Variants in ARHGAP24 observed in about 807,000 individuals in gnomAD.
ARHGAP24 encodes rho GTPase-activating protein 24.
Under a neutral mutation model 76.4 loss-of-function variants are expected in ARHGAP24, and 50 were observed. The ratio of observed to expected loss-of-function variants is 0.65; its 90% confidence interval spans 0.52 to 0.83. The LOEUF is 0.83. Ranked by LOEUF, ARHGAP24 falls within the 40% of genes least tolerant of loss-of-function variation. The pLI is 0.00. For synonymous variants in ARHGAP24, 345 were observed against 323.3 expected (o/e 1.07, Z -0.72); for missense variants, 930 against 914.2 (o/e 1.02, Z -0.22).
intron 1 of ARHGAP24, among the ~76,000 whole-genome samples, chr4:85,525,357 T>C (rs1188154895): frequency 6.6e-6 from 1 of 151,786 alleles, no homozygotes; most frequent in Non-Finnish European, 1.5e-5. Context: ...AAATTTTTAC[T>C]TTATTTGATT....
chr4:85,941,955 C>A, intron 4 of ARHGAP24, 111 bp from the exon 5 acceptor site: 1 of 1,068,348 alleles, frequency 9.4e-7, no homozygotes, highest in Non-Finnish European at 1.4e-6. Flanking sequence ...ATGTTAAGTG[C>A]TTGCTAGCAT....
rs770512483 is a variant in ARHGAP24 at position 85,942,209 on chromosome 4, C to A, written c.535C>A (p.Gln179Lys). The change falls in exon 5 of 10, where the codon CAG becomes AAG. Residue 179 changes from glutamine (Q) to lysine (K), a missense_variant. Transcript: ENST00000395184. ...AGAGGGTCTCTTTCGACTGCCAGGC[C>A]AGGCTAATCTTGTTAAGGAGCTCCA... ...KEEGLFRLPGQANLVKELQDA... is the reference protein window; with the variant it reads ...KEEGLFRLPGKANLVKELQDA... 1.4e-5 allele frequency: 23 copies of A among 1,613,958 alleles called. No homozygotes were observed. The highest frequency in any genetic ancestry group is 1.9e-5 in the Non-Finnish European group (23 of 1,180,002).
At chr4:85,492,303 CT>C (rs1723390181) in intron 1 of ARHGAP24, among the ~76,000 whole-genome samples, 2 of 152,076 alleles carry the variant, frequency 1.3e-5, no homozygotes, top group African/African-American at 4.8e-5. Flanking sequence ...TGGTCGATAT[CT>C]TCGTTTCTTT....
At chr4:85,487,219 A>T (rs1178289421) in intron 1 of ARHGAP24, among the ~76,000 whole-genome samples, 1 of 134,204 alleles carries the variant, frequency 7.5e-6, no homozygotes, top group Non-Finnish European at 1.6e-5. Flanking sequence ...TATATATAAA[A>T]ATATATATTT....
At chr4:85,535,136 T>C (rs969532095) in intron 1 of ARHGAP24, among the ~76,000 whole-genome samples, 1 of 152,284 alleles carries the variant, frequency 6.6e-6, no homozygotes, top group South Asian at 2.1e-4. Context: ...GATTTTCCAA[T>C]GCACAAAGAT....
Position 85,783,340 on chromosome 4 carries a change from G to A in ARHGAP24, c.268+61368G>A, listed in dbSNP as rs562228137. ...TACATAATAGAACATGGCTCCTATT[G>A]TTGGGGACCTACATTGTTTCAGTGA... On this transcript the variant is annotated intron_variant, in intron 3 of 9. Transcript: ENST00000395184. 3.3e-5 allele frequency among the ~76,000 whole-genome samples: 5 copies of A among 152,236 alleles called. 1 individual carries two copies. The highest frequency in any genetic ancestry group is 9.6e-5 in the African/African-American group (4 of 41,530).
chr4:85,618,523 G>A (rs946187371), intron 2 of ARHGAP24, among the ~76,000 whole-genome samples: 8 of 152,202 alleles, frequency 5.3e-5, no homozygotes, highest in African/African-American at 1.9e-4. Context: ...GGATCATATA[G>A]TAGTTCTATT....
chr4:85,905,344 G>A (rs991084440), intron 3 of ARHGAP24, among the ~76,000 whole-genome samples: 9 of 151,534 alleles, frequency 5.9e-5, no homozygotes, highest in African/African-American at 2.2e-4. Flanking sequence ...TATTACAAGA[G>A]ATTGTCTTCA....
chr4:85,578,248 T>C (rs1250174208), intron 2 of ARHGAP24, among the ~76,000 whole-genome samples: 1 of 152,166 alleles, frequency 6.6e-6, no homozygotes, highest in East Asian at 1.9e-4. Context: ...TATAGATAAA[T>C]ACTTGACCTG....
intron 2 of ARHGAP24, among the ~76,000 whole-genome samples, chr4:85,691,289 G>A (rs1723646516): frequency 6.6e-6 from 1 of 152,098 alleles, no homozygotes; most frequent in South Asian, 2.1e-4. Context: ...CTTAGAATAT[G>A]TTCCATATGC....
chr4:85,569,923 T>G (rs1727012684), intron 1 of ARHGAP24, among the ~76,000 whole-genome samples: 1 of 152,220 alleles, frequency 6.6e-6, no homozygotes, highest in African/African-American at 2.4e-5. Flanking sequence ...TGTCCTAGGC[T>G]GTGCCCAACA....
At chr4:85,723,952 T>A (rs1725058401) in intron 3 of ARHGAP24, among the ~76,000 whole-genome samples, 1 of 152,228 alleles carries the variant, frequency 6.6e-6, no homozygotes, top group Non-Finnish European at 1.5e-5. Flanking sequence ...AATTACTTTA[T>A]CTTTGCAAAT....
At chr4:85,722,362 C>A in intron 3 of ARHGAP24, 1 of 176,838 alleles carries the variant, frequency 5.7e-6, no homozygotes, top group South Asian at 1.2e-4. Flanking sequence ...AAAATTGTAT[C>A]TTCAAGGAGG....
At chr4:85,895,812 C>A (rs760351969) in intron 3 of ARHGAP24, among the ~76,000 whole-genome samples, 2 of 152,068 alleles carry the variant, frequency 1.3e-5, no homozygotes, top group Non-Finnish European at 2.9e-5. Context: ...AGTGTTAGAC[C>A]ATTTACATGT....
At chr4:85,869,294 G>A (rs998727746) in intron 3 of ARHGAP24, among the ~76,000 whole-genome samples, 3 of 152,166 alleles carry the variant, frequency 2.0e-5, no homozygotes, top group Admixed American at 2.0e-4. Flanking sequence ...TGCGCTCCAG[G>A]AGGAAGTGGG....
intron 1 of ARHGAP24, among the ~76,000 whole-genome samples, chr4:85,555,890 T>G (rs1421342699): frequency 1.3e-5 from 2 of 152,122 alleles, no homozygotes; most frequent in African/African-American, 2.4e-5. Flanking sequence ...CTGACTGGCT[T>G]CTTCTTTTTA....
intron 3 of ARHGAP24, among the ~76,000 whole-genome samples, chr4:85,832,539 T>C (rs893592090): frequency 6.6e-6 from 1 of 152,182 alleles, no homozygotes; most frequent in Non-Finnish European, 1.5e-5. Flanking sequence ...AATAGACTAC[T>C]TAGTATCATT....
chr4:85,609,083 T>C (rs935695885), intron 2 of ARHGAP24, among the ~76,000 whole-genome samples: 34 of 152,128 alleles, frequency 2.2e-4, no homozygotes, highest in Non-Finnish European at 4.4e-4. Flanking sequence ...ATTCAATACA[T>C]TATGTTTCTA....
chr4:85,626,344 G>A (rs907761734), intron 2 of ARHGAP24, among the ~76,000 whole-genome samples: 23 of 152,100 alleles, frequency 1.5e-4, no homozygotes, highest in South Asian at 4.1e-4. Context: ...TAGTTTGGCT[G>A]GATATGAAAT....
Sources: allele counts gnomAD v4.1 joint callset (sites outside exome capture counted in the v4.1 genomes callset), GRCh38; gene constraint gnomAD v4.1.1; transcripts MANE v1.5; gene names NCBI Gene and HGNC (gene_info 2026-07-23, HGNC 2026-07-21).